The following ATP13A5 variants were observed in gnomAD, a reference collection of about 807,000 sequenced individuals.
ATP13A5 encodes the protein probable cation-transporting ATPase 13A5.
In ATP13A5, 149 loss-of-function variants were observed where a neutral mutation model predicts 150.2. The ratio of observed to expected loss-of-function variants is 0.99; its 90% CI spans 0.87 to 1.14. The LOEUF is 1.14. ATP13A5 is among the 50% of genes most tolerant of loss of function. ATP13A5 has a pLI of 0.00. For synonymous variants in ATP13A5, 497 were observed against 522.2 expected, an observed-to-expected ratio of 0.95 and a Z score of 0.66; for missense variants, 1,383 against 1,449.3, an observed-to-expected ratio of 0.95 and a Z score of 0.74.
chr3:193,338,293 G>A (rs1336022231), intron 9 of ATP13A5, among the ~76,000 whole-genome samples: 1 of 152,168 alleles, frequency 6.6e-6, no homozygotes, highest in Non-Finnish European at 1.5e-5. Context: ...GTGAGAGAGG[G>A]CATCCCTGTC....
At chr3:193,332,567 G>T (rs1194454891) in intron 11 of ATP13A5, among the ~76,000 whole-genome samples, 1 of 152,118 alleles carries the variant, frequency 6.6e-6, no homozygotes, top group Non-Finnish European at 1.5e-5. Context: ...ACTTTTTTAA[G>T]TATTGGAAAC....
At chr3:193,374,038 G>A (rs1374675916) in intron 1 of ATP13A5, among the ~76,000 whole-genome samples, 2 of 152,080 alleles carry the variant, frequency 1.3e-5, no homozygotes, top group East Asian at 3.9e-4. Flanking sequence ...GGCTCCAGTG[G>A]GGTCAGAATC....
chr3:193,306,120 C>A (rs537355170), intron 22 of ATP13A5, among the ~76,000 whole-genome samples: 10 of 151,612 alleles, frequency 6.6e-5, no homozygotes, highest in African/African-American at 2.4e-4. Context: ...ATTGTGTGGG[C>A]ATAAAATGAA....
intron 7 of ATP13A5, among the ~76,000 whole-genome samples, 173 bp from the exon 8 acceptor site, chr3:193,345,248 C>T (rs1440638386): frequency 1.3e-5 from 2 of 152,124 alleles, no homozygotes; most frequent in East Asian, 1.9e-4. Context: ...TCACCTGACC[C>T]CCTATGTGCA....
intron 17 of ATP13A5, among the ~76,000 whole-genome samples, chr3:193,315,747 C>G (rs969207362): frequency 6.6e-6 from 1 of 152,014 alleles, no homozygotes; most frequent in Non-Finnish European, 1.5e-5. Flanking sequence ...TGCTGTGCAC[C>G]GTGGTGTTAA....
intron 20 of ATP13A5, among the ~76,000 whole-genome samples, chr3:193,311,088 G>C (rs1032916157): frequency 2.0e-5 from 3 of 152,122 alleles, no homozygotes; most frequent in Non-Finnish European, 4.4e-5. Context: ...GGAAAGGCTG[G>C]AAGCTGAGAA....
At chr3:193,315,248 C>T (rs1158748455) in intron 17 of ATP13A5, 152 bp from the exon 18 acceptor site, 1 of 795,040 alleles carries the variant, frequency 1.3e-6, no homozygotes, top group Non-Finnish European at 1.9e-6. Context: ...TAATGAAAAC[C>T]AGTAGTCTGT....
At chr3:193,338,363 G>A (rs1474053933) in intron 9 of ATP13A5, among the ~76,000 whole-genome samples, 2 of 152,166 alleles carry the variant, frequency 1.3e-5, no homozygotes, top group Admixed American at 1.3e-4. Flanking sequence ...GATATTGGCT[G>A]TGGGTTTGTC....
intron 8 of ATP13A5, 121 bp downstream of exon 8, chr3:193,344,882 C>T (rs192269716): frequency 1.4e-5 from 14 of 988,994 alleles, no homozygotes; most frequent in East Asian, 7.5e-5. Context: ...GCCTCACCCT[C>T]GTCCCAGTTC....
chr3:193,347,520 A>ATTTTTTTTTTTTT (rs759304492), intron 7 of ATP13A5, among the ~76,000 whole-genome samples: 1 of 100,074 alleles, frequency 1.0e-5, no homozygotes, highest in African/African-American at 4.8e-5. Flanking sequence ...CCTTCCTTAG[A>ATTTTTTTTTTTTT]TTTCTTTTTT....
At chr3:193,355,965 C>T (rs1577368452) in intron 5 of ATP13A5, among the ~76,000 whole-genome samples, 1 of 152,292 alleles carries the variant, frequency 6.6e-6, no homozygotes, top group East Asian at 1.9e-4. Context: ...AGCAGAGAGG[C>T]CTGGATTTGA....
At chr3:193,281,928 G>A (rs546652479) in intron 27 of ATP13A5, among the ~76,000 whole-genome samples, 1 of 152,052 alleles carries the variant, frequency 6.6e-6, no homozygotes, top group Non-Finnish European at 1.5e-5. Flanking sequence ...AGGTGCAGTG[G>A]TTCACCCCTG....
At chr3:193,341,502 G>A (rs1018818505) in intron 9 of ATP13A5, among the ~76,000 whole-genome samples, 7 of 152,128 alleles carry the variant, frequency 4.6e-5, no homozygotes, top group Non-Finnish European at 8.8e-5. Flanking sequence ...AGTAGAACAC[G>A]GGAACATGCA....
intron 22 of ATP13A5, among the ~76,000 whole-genome samples, chr3:193,306,258 AT>A (rs1162015059): frequency 6.6e-6 from 1 of 151,410 alleles, no homozygotes; most frequent in Non-Finnish European, 1.5e-5. Context: ...TATCTCTATT[AT>A]GTACTTTAGG....
chr3:193,307,485 C>T lies in ATP13A5; in HGVS notation c.2526-116G>A, dbSNP rs1718664019. On this transcript the variant is annotated intron_variant, in intron 21 of 29. Coordinates refer to ENST00000342358, the MANE Select transcript of ATP13A5 (RefSeq NM_198505.4). The stretch of plus-strand genomic sequence containing the variant: ...TGTGTGTATGTGTGTGTCCCCTGAA[C>T]ACACCTGGAATCAGGCTGAAGAAAA... The T allele has an allele frequency of 3.1e-5, 39 of 1,241,112 alleles. No homozygotes were observed. In the South Asian group the frequency reaches 5.0e-4, roughly 16 times the overall value. 76.9% of individuals were successfully genotyped at this position (1,241,112 alleles called of 1,614,324 possible).
At chr3:193,370,668 T>G (rs1713409014) in intron 1 of ATP13A5, among the ~76,000 whole-genome samples, 1 of 152,230 alleles carries the variant, frequency 6.6e-6, no homozygotes, top group South Asian at 2.1e-4. Context: ...GAATCCCTTT[T>G]ACTTTTATCT....
chr3:193,363,788 GT>G (rs1288960339), intron 2 of ATP13A5, among the ~76,000 whole-genome samples: 1 of 152,140 alleles, frequency 6.6e-6, no homozygotes, highest in African/African-American at 2.4e-5. Flanking sequence ...CCATTCCCAT[GT>G]TATGGTCTCT....
intron 21 of ATP13A5, among the ~76,000 whole-genome samples, chr3:193,307,790 C>A (rs915091477): frequency 2.6e-5 from 4 of 152,088 alleles, no homozygotes; most frequent in African/African-American, 9.7e-5. Flanking sequence ...AGCTCAAATA[C>A]CAGGATGAGA....
chr3:193,325,505 G>A (rs1379734801), intron 13 of ATP13A5, among the ~76,000 whole-genome samples: 1 of 152,172 alleles, frequency 6.6e-6, no homozygotes, highest in Admixed American at 6.6e-5. Context: ...CTTGAAGCCA[G>A]CCCACATAAT....
Sources: allele counts gnomAD v4.1 joint callset (sites outside exome capture counted in the v4.1 genomes callset), GRCh38; gene constraint gnomAD v4.1.1; transcripts MANE v1.5; gene names NCBI Gene and HGNC (gene_info 2026-07-23, HGNC 2026-07-21).